The following IL1RAPL1 variants were observed in gnomAD, a reference collection of about 807,000 sequenced individuals.
The protein encoded by IL1RAPL1 is interleukin 1 receptor accessory protein like 1, also known as interleukin-1 receptor accessory protein-like 1.
A neutral mutation model predicts 48.4 loss-of-function variants in IL1RAPL1; 3 were observed. That is an observed-to-expected ratio of 0.06 (90% CI 0.03 to 0.16). The LOEUF is 0.16. IL1RAPL1 is among the 10% of genes least tolerant of loss of function. IL1RAPL1 has a pLI of 1.00. For synonymous variants in IL1RAPL1, 185 were observed against 187.7 expected (o/e 0.99, Z 0.12); for missense variants, 349 against 530.6 (o/e 0.66, Z 3.36).
intron 6 of IL1RAPL1, among the ~76,000 whole-genome samples, chrX:29,864,179 A>G (rs1931647703): frequency 8.9e-6 from 1 of 112,769 alleles, no homozygotes; most frequent in African/African-American, 3.2e-5. Flanking sequence ...TTGAGAGACC[A>G]CACTTTGAGA....
intron 1 of IL1RAPL1, among the ~76,000 whole-genome samples, chrX:28,744,950 A>C (rs1935956006): frequency 9.0e-6 from 1 of 111,155 alleles, no homozygotes; most frequent in Admixed American, 9.7e-5. Context: ...CTAGAAAATT[A>C]AACCTGGATG....
chrX:28,741,153 A>G (rs1218637075), intron 1 of IL1RAPL1, among the ~76,000 whole-genome samples: 1 of 111,898 alleles, frequency 8.9e-6, no homozygotes, highest in African/African-American at 3.2e-5. Flanking sequence ...TTACATTCCT[A>G]TCAGTAGTGT....
chrX:28,968,044 A>G (rs1238545135), intron 2 of IL1RAPL1, among the ~76,000 whole-genome samples: 1 of 111,518 alleles, frequency 9.0e-6, no homozygotes, highest in African/African-American at 3.3e-5. Context: ...ATGGCATGCT[A>G]CTTACTTATT....
intron 8 of IL1RAPL1, among the ~76,000 whole-genome samples, chrX:29,923,606 T>C (rs1004723402): frequency 5.4e-5 from 6 of 111,712 alleles, no homozygotes; most frequent in African/African-American, 2.0e-4. Context: ...AATTAGATAT[T>C]GGGTTACTTC....
intron 1 of IL1RAPL1, among the ~76,000 whole-genome samples, chrX:28,639,843 T>C (rs1359320412): frequency 8.9e-6 from 1 of 112,098 alleles, no homozygotes; most frequent in Non-Finnish European, 1.9e-5. Context: ...TCATGAACTG[T>C]AGTCTGTCCC....
intron 6 of IL1RAPL1, among the ~76,000 whole-genome samples, chrX:29,766,820 T>A: frequency 9.4e-6 from 1 of 106,187 alleles, no homozygotes; most frequent in Admixed American, 1.1e-4. Context: ...AATTTTTATA[T>A]ATCTGGCTGA....
At chrX:29,644,373 G>A (rs995117130) in intron 5 of IL1RAPL1, among the ~76,000 whole-genome samples, 5 of 111,569 alleles carry the variant, frequency 4.5e-5, no homozygotes, top group African/African-American at 1.6e-4. Flanking sequence ...AGAAGTCTTG[G>A]TCCTTCCTGG....
intron 6 of IL1RAPL1, among the ~76,000 whole-genome samples, chrX:29,915,131 TA>T (rs1337224963): frequency 5.4e-5 from 6 of 111,776 alleles, no homozygotes; most frequent in Non-Finnish European, 1.1e-4. Flanking sequence ...CCGTCTCTAC[TA>T]AAAACACAAA....
intron 6 of IL1RAPL1, among the ~76,000 whole-genome samples, chrX:29,807,465 A>G (rs1436485589): frequency 9.3e-6 from 1 of 107,571 alleles, no homozygotes; most frequent in Non-Finnish European, 1.9e-5. Flanking sequence ...AAAAGTAAAA[A>G]TTAGCCGGGC....
intron 5 of IL1RAPL1, among the ~76,000 whole-genome samples, chrX:29,583,200 G>A (rs1923036778): frequency 1.2e-5 from 1 of 81,556 alleles, no homozygotes; most frequent in Non-Finnish European, 2.3e-5. Flanking sequence ...TCAACATAGT[G>A]TTGGAAGTTC....
At chrX:29,612,665 G>C (rs1158849918) in intron 5 of IL1RAPL1, among the ~76,000 whole-genome samples, 1 of 111,590 alleles carries the variant, frequency 9.0e-6, no homozygotes, top group Non-Finnish European at 1.9e-5. Flanking sequence ...AAAGTTTTTA[G>C]TGTGTTTCTG....
At chrX:29,884,633 AT>A (rs1477260632) in intron 6 of IL1RAPL1, among the ~76,000 whole-genome samples, 1 of 110,864 alleles carries the variant, frequency 9.0e-6, no homozygotes, top group African/African-American at 3.3e-5. Context: ...CTGCCCTGAC[AT>A]TTCTCAAATC....
At chrX:29,697,553 A>G (rs1926945681) in intron 6 of IL1RAPL1, among the ~76,000 whole-genome samples, 1 of 111,642 alleles carries the variant, frequency 9.0e-6, no homozygotes, top group South Asian at 3.7e-4. Context: ...CTGAAACGAA[A>G]GTTGGTCCAA....
intron 2 of IL1RAPL1, among the ~76,000 whole-genome samples, chrX:29,197,367 GA>G (rs939156715): frequency 1.1e-4 from 12 of 111,084 alleles, no homozygotes; most frequent in African/African-American, 3.9e-4. Flanking sequence ...TCTCTGGGGG[GA>G]AAAAAGAATT....
At chrX:29,904,558 T>TTC (rs34877593) in intron 6 of IL1RAPL1, among the ~76,000 whole-genome samples, 7,311 of 109,958 alleles carry the variant, frequency 0.066, 285 homozygotes, top group Admixed American at 0.17. Flanking sequence ...GTGTGTGATG[T>TTC]TCCCCTCCCT....
chrX:28,615,211 T>G (rs868019576), intron 1 of IL1RAPL1, among the ~76,000 whole-genome samples: 37 of 59,028 alleles, frequency 6.3e-4, no homozygotes, highest in South Asian at 9.1e-4. Context: ...TTTTTTTTTT[T>G]TTTTTTTTTT....
At chrX:29,952,594 T>A (rs1933341060) in intron 9 of IL1RAPL1, among the ~76,000 whole-genome samples, 1 of 112,488 alleles carries the variant, frequency 8.9e-6, no homozygotes, top group Non-Finnish European at 1.9e-5. Context: ...CTTTCATGAT[T>A]TCTTACTCAA....
intron 5 of IL1RAPL1, among the ~76,000 whole-genome samples, chrX:29,641,340 C>G (rs1925165798): frequency 8.9e-6 from 1 of 112,841 alleles, no homozygotes; most frequent in Non-Finnish European, 1.9e-5. Context: ...ACTCATTCAC[C>G]TGCGTATTCA....
chrX:29,611,203 T>C (rs1924082802), intron 5 of IL1RAPL1, among the ~76,000 whole-genome samples: 1 of 111,368 alleles, frequency 9.0e-6, no homozygotes, highest in Admixed American at 9.6e-5. Context: ...AAGAGCCAGG[T>C]ACCCTTTTAG....
Sources: gnomAD v4.1 joint callset for allele counts (sites outside exome capture counted in the v4.1 genomes callset) on GRCh38, gnomAD v4.1.1 for gene constraint, MANE v1.5 for transcripts, NCBI Gene and HGNC (gene_info 2026-07-23, HGNC 2026-07-21) for gene names.